Variants in ODC1 observed in about 807,000 individuals in gnomAD.
The protein encoded by ODC1 is ornithine decarboxylase.
A neutral mutation model predicts 41.5 loss-of-function variants in ODC1; 18 were observed. The observed-to-expected ratio is 0.43, with a 90% CI of 0.30 to 0.64. ODC1 has a LOEUF of 0.64. Among genes scored for constraint, ODC1 ranks in the 30% least tolerant of loss-of-function variants. ODC1 has a pLI of 0.11. For synonymous variants in ODC1, 218 were observed against 211.6 expected (o/e 1.03, Z -0.26); for missense variants, 504 against 589.0 (o/e 0.86, Z 1.49).
In ODC1 at chr2:10,443,552, A is replaced by T. The variant is rs2148069129; in HGVS notation, c.604T>A (p.Cys202Ser). 1.2e-6 allele frequency: 2 copies of T among 1,613,856 alleles called. No individual in the cohort carries two copies. Among genetic ancestry groups the T allele is most frequent in the African/African-American group, 1.3e-5 (1 of 75,050 alleles). ...TGCACGAAGGTCTCAGGATCGGTAC[A>T]GCCGCTTCCTACATGGAAGCTGGGG... ...VGVSFHVGSG[C>S]TDPETFVQAI... The change falls in exon 7 of 12, where the codon TGT becomes AGT. Residue 202 changes from cysteine to serine, a missense_variant. Coordinates refer to ENST00000234111, the MANE Select transcript of ODC1 (RefSeq NM_002539.3).
intron 3 of ODC1, 124 bp downstream of exon 3, chr2:10,444,807 G>T: frequency 1.2e-6 from 1 of 847,000 alleles, no homozygotes; most frequent in Non-Finnish European, 1.9e-6. Context: ...TACCACCAGT[G>T]AATTAATTTC....
rs1672097759 is a variant in ODC1 at position 10,448,127 on chromosome 2, G to A, written c.-134C>T. On this transcript the variant is annotated 5_prime_UTR_variant, in exon 1 of 12. Coordinates refer to ENST00000234111, the MANE Select transcript of ODC1 (RefSeq NM_002539.3). ...CGGCCGGGGAGTCCCTCACCTCAGA[G>A]CGCCCAGGCGCCGCAGGCCAGCCCC... 5.8e-6 allele frequency: 1 copy of A among 171,996 alleles called. No individual in the cohort carries two copies. Among genetic ancestry groups the A allele is most frequent in the Non-Finnish European group, 1.2e-5 (1 of 81,914 alleles). 10.7% of individuals were successfully genotyped at this position (171,996 alleles called of 1,614,324 possible). A position where few individuals can be genotyped will look rare whatever the true frequency, so the allele number is the denominator to read the frequency against.
chr2:10,447,290 G>A (rs1672055991), intron 1 of ODC1, among the ~76,000 whole-genome samples: 1 of 152,166 alleles, frequency 6.6e-6, no homozygotes, highest in Non-Finnish European at 1.5e-5. Flanking sequence ...AGAGATAGGG[G>A]CTAATTCAAA....
Position 10,444,506 on chromosome 2 carries a change from C to T in ODC1, c.244G>A (p.Ala82Thr), listed in dbSNP as rs1671945886. Residue 82 changes from alanine (A) to threonine (T), a missense_variant, in exon 4 of 12, where the codon GCT becomes ACT. Physicochemically the swap from Ala to Thr is moderately conservative, Grantham distance 58. This residue lies in a region of ODC1 where 447 missense variants were observed against 524.4 expected (regional missense o/e 0.85). Transcript: ENST00000234111. ...DSKAIVKTLA[A>T]TGTGFDCASK... ...GCACAGTCAAATCCTGTCCCGGTAGCAGCAAGGGTCTTCACGATGGCTTTG... is the reference window on the plus strand; with the variant it reads ...GCACAGTCAAATCCTGTCCCGGTAGTAGCAAGGGTCTTCACGATGGCTTTG... 6.2e-7 allele frequency: 1 copy of T among 1,613,286 alleles called. No homozygotes were observed. Among genetic ancestry groups the T allele is most frequent in the Non-Finnish European group, 8.5e-7 (1 of 1,179,808 alleles).
intron 1 of ODC1, 78 bp from the exon 2 acceptor site, chr2:10,445,342 G>A (rs1022948588): frequency 2.5e-5 from 8 of 320,986 alleles, no homozygotes; most frequent in East Asian, 8.2e-5. Flanking sequence ...CTGAGCACAC[G>A]CAGAGCTAAT....
Position 10,444,166 on chromosome 2 carries a change from A to G in ODC1, c.378T>C (p.Asn126=). 1 of 1,612,838 alleles carries G rather than the reference A, an allele frequency of 6.2e-7. No homozygotes were observed. The highest frequency in any genetic ancestry group is 8.5e-7 in the Non-Finnish European group (1 of 1,179,704). ...TATCAAAAGTCATCATCTGGACTCCATTATTAGCAGCATACTTAATTTGAG... is the reference window on the plus strand; with the variant it reads ...TATCAAAAGTCATCATCTGGACTCCGTTATTAGCAGCATACTTAATTTGAG... ...QVSQIKYAAN[N]GVQMMTFDSE... Residue 126 remains asparagine (N), a synonymous_variant, in exon 5 of 12, where the codon AAT becomes AAC. Transcript: ENST00000234111.
rs996300254 is a variant in ODC1, at chr2:10,440,325, G to A, written c.*399C>T. On this transcript the variant is annotated 3_prime_UTR_variant, in exon 12 of 12. Transcript: ENST00000234111. The stretch of plus-strand genomic sequence containing the variant: ...CTCATTGTTCTCTGAGAATCAGAGC[G>A]AGCTATACGGGATTCGTGAACTGTC... The A allele has an allele frequency of 1.2e-5, 2 of 162,404 alleles. No individual in the cohort carries two copies. Among genetic ancestry groups the A allele is most frequent in the East Asian group, 1.8e-4 (1 of 5,482 alleles). The allele number at this position is 162,404 out of a possible 1,614,324, so 10.1% of individuals were successfully genotyped here. A position where few individuals can be genotyped will look rare whatever the true frequency, so the allele number is the denominator to read the frequency against.
intron 1 of ODC1, among the ~76,000 whole-genome samples, chr2:10,447,198 C>T (rs987506676): frequency 1.3e-5 from 2 of 152,120 alleles, no homozygotes; most frequent in Non-Finnish European, 2.9e-5. Context: ...ATATATTTTA[C>T]TGAAGAACAC....
rs1389469042 is a variant in ODC1 at position 10,440,703 on chromosome 2, T to C, written c.*21A>G. On this transcript the variant is annotated 3_prime_UTR_variant, in exon 12 of 12. Transcript: ENST00000234111. The stretch of plus-strand genomic sequence containing the variant: ...CCTTAATTCAAGCTAAACTTGCAGT[T>C]AACAGCTACCAGAGTGCTATCTACA... The C allele has an allele frequency of 6.2e-7, 1 of 1,605,090 alleles. No homozygotes were observed. Among genetic ancestry groups the C allele is most frequent in the Non-Finnish European group, 8.5e-7 (1 of 1,174,854 alleles).
chr2:10,448,243 C>T lies in ODC1; in HGVS notation c.-250G>A. 1 of 215,030 alleles carries T rather than the reference C, an allele frequency of 4.7e-6. No individual in the cohort carries two copies. Among genetic ancestry groups the T allele is most frequent in the Non-Finnish European group, 9.1e-6 (1 of 109,762 alleles). The allele number at this position is 215,030 out of a possible 1,614,324, so 13.3% of individuals were successfully genotyped here. On this transcript the variant is annotated 5_prime_UTR_variant, in exon 1 of 12. Coordinates refer to ENST00000234111, the MANE Select transcript of ODC1 (RefSeq NM_002539.3). ...CCCGTCAGCGCCTGGCTCCCGCCCG[C>T]CGGAGACGCCGGCCCGAGGTGGCGC...
intron 1 of ODC1, chr2:10,447,345 TTTTA>T (rs1672058310): frequency 6.6e-6 from 1 of 152,246 alleles, no homozygotes; most frequent in Non-Finnish European, 1.5e-5. Flanking sequence ...GTCTGCCCAA[TTTTA>T]TGTTTAAACA....
chr2:10,444,579 T>C lies in ODC1; in HGVS notation c.171A>G (p.Lys57=). The change falls in exon 4 of 12, where the codon AAA becomes AAG. Residue 57 remains lysine (K), a synonymous_variant. Transcript: ENST00000234111. ...DILKKHLRWL[K]ALPRVTPFYA... is the part of the protein sequence containing the mutation. Reference sequence around the variant, plus strand: ...AAAAGGGGGTGACACGAGGGAGAGCTTTTAACCACCTCAGATGTTTCTTTA... The same window carrying C: ...AAAAGGGGGTGACACGAGGGAGAGCCTTTAACCACCTCAGATGTTTCTTTA... The C allele has an allele frequency of 1.2e-6, 2 of 1,614,092 alleles. No individual in the cohort carries two copies. Among genetic ancestry groups the C allele is most frequent in the Non-Finnish European group, 1.7e-6 (2 of 1,180,000 alleles).
rs773540825 is a variant in ODC1, at chr2:10,441,718, A to C, written c.1032T>G (p.Pro344=). The change falls in exon 11 of 12, where the codon CCT becomes CCG. Residue 344 remains proline, a synonymous_variant. Transcript: ENST00000234111. ...ATGAATAATACTTCTCATCTGGTTT[A>C]GGTCTCTATATAAAGAGACGGAGAG... ...AHVKPLLQKR[P]KPDEKYYSSS... 1.2e-6 allele frequency: 2 copies of C among 1,614,138 alleles called. No individual in the cohort carries two copies. The highest frequency in any genetic ancestry group is 8.5e-7 in the Non-Finnish European group (1 of 1,179,964).
rs750141788 is a variant in ODC1 at position 10,443,772 on chromosome 2, C to T, written c.514G>A (p.Ala172Thr). Residue 172 changes from alanine (A) to threonine (T), a missense_variant, in exon 6 of 12, where the codon GCC (alanine) becomes ACC (threonine). Physicochemically the swap from Ala to Thr is moderately conservative, Grantham distance 58 (BLOSUM62 0). Transcript: ENST00000234111. ...AGGAGCCTGCTGGTTCTGAGCGTGG[C>T]ACCGAATTTCACACTGAGACGACAG... ...AVCRLSVKFG[A>T]TLRTSRLLLE... is the part of the protein sequence containing the mutation. 1.3e-5 allele frequency: 21 copies of T among 1,614,222 alleles called. No individual in the cohort carries two copies. The highest frequency in any genetic ancestry group is 1.7e-5 in the Non-Finnish European group (20 of 1,180,040).
Position 10,441,649 on chromosome 2 carries a change from A to T in ODC1, c.1101T>A (p.Val367=). The T allele has an allele frequency of 6.2e-7, 1 of 1,613,680 alleles. No homozygotes were observed. The highest frequency in any genetic ancestry group is 8.5e-7 in the Non-Finnish European group (1 of 1,179,540). Residue 367 remains valine, a synonymous_variant, in exon 11 of 12, where the codon GTT becomes GTA. Coordinates refer to ENST00000234111, the MANE Select transcript of ODC1 (RefSeq NM_002539.3). ...GCATTTCAGGCAGGTCACAGCGCTC[A>T]ACAATCCGATCGAGGCCATCACATG... The part of the protein sequence containing the change: ...GPTCDGLDRI[V]ERCDLPEMHV...
chr2:10,441,422 A>C, intron 11 of ODC1, 87 bp downstream of exon 11: 1 of 1,357,886 alleles, frequency 7.4e-7, no homozygotes, highest in Non-Finnish European at 1.0e-6. Context: ...CTTAGGCAAG[A>C]CAATTTCTTA....
intron 8 of ODC1, 145 bp downstream of exon 8, chr2:10,443,081 TGTCA>T (rs1292852886): frequency 3.0e-6 from 2 of 663,548 alleles, no homozygotes; most frequent in Non-Finnish European, 5.3e-6. Context: ...TCAAGTGTAA[TGTCA>T]GACAGCACAA....
chr2:10,442,412 G>C lies in ODC1; in HGVS notation c.751-238C>G, dbSNP rs1457525706. 2.0e-5 allele frequency among the ~76,000 whole-genome samples: 3 copies of C among 152,152 alleles called. No homozygotes were observed. In the South Asian group the frequency reaches 6.2e-4, roughly 32 times the overall value. On this transcript the variant is annotated intron_variant, in intron 8 of 11. Transcript: ENST00000234111. The stretch of plus-strand genomic sequence containing the variant: ...CCCTATCTCCTTTAGGATGTTATGG[G>C]TATGATTTTTATCAAAGAACAGTAC...
intron 8 of ODC1, among the ~76,000 whole-genome samples, chr2:10,442,663 A>G (rs944259666): frequency 6.6e-5 from 10 of 152,142 alleles, no homozygotes; most frequent in African/African-American, 2.4e-4. Flanking sequence ...ATTTGGGGTG[A>G]TGATGTGCTA....
Sources: allele counts gnomAD v4.1 joint callset (sites outside exome capture counted in the v4.1 genomes callset), GRCh38; gene constraint gnomAD v4.1.1; regional missense constraint gnomAD v4.1.1; transcripts MANE v1.5; gene names NCBI Gene and HGNC (gene_info 2026-07-23, HGNC 2026-07-21).